Variants in NRXN3 observed in about 807,000 individuals in gnomAD.
The protein encoded by NRXN3 is neurexin 3.
NRXN3 carries 32 observed loss-of-function variants against 137.6 expected under a neutral mutation model. The observed-to-expected ratio is 0.23, with a 90% CI of 0.18 to 0.31. The LOEUF is 0.31. Among genes scored for constraint, NRXN3 ranks in the 10% least tolerant of loss-of-function variants. The pLI, the probability that NRXN3 is intolerant of heterozygous loss-of-function variation, is 1.00. For synonymous variants in NRXN3, 798 were observed against 784.5 expected, an observed-to-expected ratio of 1.02 and a Z score of -0.29; for missense variants, 1,574 against 2,062.5, an observed-to-expected ratio of 0.76 and a Z score of 4.59.
chr14:79,069,255 T>TA (rs1288637318), intron 15 of NRXN3, among the ~76,000 whole-genome samples: 1 of 152,156 alleles, frequency 6.6e-6, no homozygotes, highest in Non-Finnish European at 1.5e-5. Context: ...TCCTATCTCC[T>TA]ATTCTTCTTC....
intron 19 of NRXN3, among the ~76,000 whole-genome samples, chr14:79,800,866 C>T (rs977436009): frequency 4.6e-5 from 7 of 152,136 alleles, no homozygotes; most frequent in African/African-American, 1.7e-4. Flanking sequence ...GATCTTAAGC[C>T]GCTCATATCA....
Position 79,751,927 on chromosome 14 carries a change from C to T in NRXN3, c.4015-53185C>T, listed in dbSNP as rs28863254. Among the ~76,000 whole-genome samples the T allele has an allele frequency of 3.8e-3, 561 of 146,750 alleles. 1 individual carries two copies. The highest frequency in any genetic ancestry group is 6.3e-3 in the African/African-American group (254 of 40,442). ...TTGCATCCCAGGGATGAAGCCCACT[C>T]GATCATGGTGGATAAGCTTTTTGAT... On this transcript the variant is annotated intron_variant, in intron 19 of 20. Transcript: ENST00000335750.
chr14:79,611,669 G>A (rs902263812), intron 16 of NRXN3: 2 of 152,194 alleles, frequency 1.3e-5, no homozygotes, highest in African/African-American at 4.8e-5. Flanking sequence ...TGAGGAGGAC[G>A]AGCAAGCCAG....
intron 4 of NRXN3, among the ~76,000 whole-genome samples, chr14:78,347,600 T>C (rs977078183): frequency 2.6e-5 from 4 of 152,154 alleles, no homozygotes; most frequent in African/African-American, 4.8e-5. Context: ...GCTTGAGGAC[T>C]CCCACAGAGC....
intron 15 of NRXN3, among the ~76,000 whole-genome samples, chr14:79,016,905 A>G (rs944998170): frequency 6.6e-6 from 1 of 152,174 alleles, no homozygotes; most frequent in Non-Finnish European, 1.5e-5. Flanking sequence ...CCTTGGAACC[A>G]CAGAGTAGAC....
intron 19 of NRXN3, among the ~76,000 whole-genome samples, chr14:79,701,505 T>C (rs2098754435): frequency 6.6e-6 from 1 of 151,994 alleles, no homozygotes; most frequent in Non-Finnish European, 1.5e-5. Context: ...AGGGCCCTTT[T>C]CCCTCTCTAT....
chr14:79,309,806 G>A (rs1258740323), intron 15 of NRXN3, among the ~76,000 whole-genome samples: 2 of 145,362 alleles, frequency 1.4e-5, no homozygotes, highest in Non-Finnish European at 3.0e-5. Flanking sequence ...AAATTTGTTT[G>A]AGTTCATTGT....
chr14:79,087,451 G>T (rs961680085), intron 15 of NRXN3, among the ~76,000 whole-genome samples: 1 of 152,098 alleles, frequency 6.6e-6, no homozygotes, highest in Non-Finnish European at 1.5e-5. Context: ...TTCTAAAGGG[G>T]AAAGTACATA....
intron 19 of NRXN3, among the ~76,000 whole-genome samples, chr14:79,755,424 A>G (rs1439478590): frequency 6.6e-6 from 1 of 151,934 alleles, no homozygotes; most frequent in Non-Finnish European, 1.5e-5. Flanking sequence ...ATTCCTCTAC[A>G]GTGTAAATCC....
chr14:79,259,905 A>G (rs1249925376), intron 15 of NRXN3, among the ~76,000 whole-genome samples: 1 of 152,028 alleles, frequency 6.6e-6, no homozygotes, highest in Non-Finnish European at 1.5e-5. Flanking sequence ...TTAGGAAATC[A>G]ATCTAATTTC....
In NRXN3 at chr14:78,697,553, GA is replaced by G. The variant is rs912241884; in HGVS notation, c.1222-11663del. On this transcript the variant is annotated intron_variant, in intron 6 of 20. Coordinates refer to ENST00000335750, the MANE Select transcript of NRXN3 (RefSeq NM_001330195.2). ...CAGGTTGATTTTGCATGGCATAAGG[GA>G]CATCTAGTGGTGATCTAGGTCTCTG... 4.6e-5 allele frequency among the ~76,000 whole-genome samples: 7 copies of G among 151,858 alleles called. 1 individual carries two copies. Among genetic ancestry groups the G allele is most frequent in the African/African-American group, 7.3e-5 (3 of 41,306 alleles).
intron 15 of NRXN3, chr14:79,201,297 G>C (rs1367492169): frequency 6.6e-6 from 1 of 152,114 alleles, no homozygotes; most frequent in Non-Finnish European, 1.5e-5. Context: ...TATAGCATTT[G>C]TCTCTTATTG....
At chr14:78,471,321 CACACACACACA>C (rs1567684688) in intron 4 of NRXN3, among the ~76,000 whole-genome samples, 3 of 89,010 alleles carry the variant, frequency 3.4e-5, no homozygotes, top group African/African-American at 1.5e-4. Flanking sequence ...CACACACACA[CACACACACACA>C]CCCCCAAGAA....
intron 4 of NRXN3, among the ~76,000 whole-genome samples, chr14:78,594,934 A>C (rs951974465): frequency 6.6e-6 from 1 of 152,212 alleles, no homozygotes; most frequent in Admixed American, 6.5e-5. Flanking sequence ...TTAATAAATA[A>C]ATTTACTTAC....
At chr14:79,709,987 G>GA (rs1358737029) in intron 19 of NRXN3, among the ~76,000 whole-genome samples, 2 of 152,108 alleles carry the variant, frequency 1.3e-5, no homozygotes, top group East Asian at 3.9e-4. Context: ...AATGAACAAG[G>GA]ACAAAGAGAG....
At chr14:79,787,629 A>G (rs942800087) in intron 19 of NRXN3, among the ~76,000 whole-genome samples, 1 of 152,126 alleles carries the variant, frequency 6.6e-6, no homozygotes, top group Admixed American at 6.5e-5. Flanking sequence ...ATTTCTACAT[A>G]CAGGTGAGAT....
intron 10 of NRXN3, among the ~76,000 whole-genome samples, chr14:78,847,490 G>A (rs2099030513): frequency 6.6e-6 from 1 of 151,998 alleles, no homozygotes; most frequent in Admixed American, 6.6e-5. Flanking sequence ...GTGGCTGTCT[G>A]GACACAAGCA....
intron 8 of NRXN3, among the ~76,000 whole-genome samples, chr14:78,778,006 G>T (rs138601700): frequency 6.6e-6 from 1 of 152,020 alleles, no homozygotes. Flanking sequence ...CAAGTGATCC[G>T]CCCACCTCAG....
At chr14:78,226,903 A>G (rs1041449979) in intron 1 of NRXN3, among the ~76,000 whole-genome samples, 1 of 152,202 alleles carries the variant, frequency 6.6e-6, no homozygotes, top group Non-Finnish European at 1.5e-5. Flanking sequence ...ATATTATATA[A>G]TAACTCACTG....
Sources: allele counts gnomAD v4.1 joint callset (sites outside exome capture counted in the v4.1 genomes callset), GRCh38; gene constraint gnomAD v4.1.1; transcripts MANE v1.5; gene names NCBI Gene and HGNC (gene_info 2026-07-23, HGNC 2026-07-21).